The following CEP126 variants were observed in gnomAD, a reference collection of about 807,000 sequenced individuals.
CEP126 encodes the protein centrosomal protein 126.
CEP126 carries 74 observed loss-of-function variants against 107.8 expected under a neutral mutation model. The ratio of observed to expected loss-of-function variants is 0.69; its 90% CI spans 0.57 to 0.83. The LOEUF is 0.83. CEP126 is among the 40% of genes least tolerant of loss of function. The pLI is 0.00. For synonymous variants in CEP126, 449 were observed against 446.0 expected (o/e 1.01, Z -0.08); for missense variants, 1,237 against 1,281.9 (o/e 0.96, Z 0.53).
At chr11:101,986,749 T>TATATAC in intron 8 of CEP126, 83 bp from the exon 9 acceptor site, 1 of 918,498 alleles carries the variant, frequency 1.1e-6, no homozygotes, top group South Asian at 1.5e-5. Context: ...CAGTTAAGCA[T>TATATAC]GTATAAGTAT....
chr11:101,984,561 T>C (rs1405143364), intron 8 of CEP126, among the ~76,000 whole-genome samples: 2 of 152,174 alleles, frequency 1.3e-5, no homozygotes, highest in African/African-American at 2.4e-5. Flanking sequence ...GTGATGATAA[T>C]GGCATTGTTA....
chr11:101,915,645 C>G (rs867537507), intron 1 of CEP126, among the ~76,000 whole-genome samples: 1 of 152,186 alleles, frequency 6.6e-6, no homozygotes, highest in African/African-American at 2.4e-5. Context: ...TCCCATTCTT[C>G]AACTTTGTAA....
intron 1 of CEP126, among the ~76,000 whole-genome samples, chr11:101,917,137 A>G (rs1400753121): frequency 1.3e-5 from 2 of 151,976 alleles, no homozygotes; most frequent in Non-Finnish European, 2.9e-5. Flanking sequence ...TAGATAATAT[A>G]TATTTAAATT....
chr11:101,948,120 C>A lies in CEP126; in HGVS notation c.484C>A (p.Arg162Ser), dbSNP rs372773838. The A allele has an allele frequency of 6.2e-7, 1 of 1,603,334 alleles. No individual in the cohort carries two copies. The highest frequency in any genetic ancestry group is 1.1e-5 in the South Asian group (1 of 90,490). Residue 162 changes from arginine (R) to serine (S), a missense_variant, in exon 4 of 11, where the codon CGT becomes AGT. Transcript: ENST00000263468. ...ATCAGAAGTAAACCTTCCCTTTTCC[C>A]GTAGACCAACAATAAACTGGAGGTA... ...LKSEVNLPFS[R>S]RPTINWRAID... is the part of the protein sequence containing the mutation.
At chr11:101,972,099 C>A (rs1043761556) in intron 6 of CEP126, among the ~76,000 whole-genome samples, 2 of 151,446 alleles carry the variant, frequency 1.3e-5, no homozygotes, top group Non-Finnish European at 2.9e-5. Context: ...TAGAGCAAGA[C>A]CCAGTCTCCA....
rs1433449526 is a variant in CEP126, at chr11:101,962,510, A to G, written c.1475A>G (p.Asp492Gly). The G allele has an allele frequency of 4.3e-6, 7 of 1,613,346 alleles. 1 individual carries two copies. Among genetic ancestry groups the G allele is most frequent in the East Asian group, 2.2e-5 (1 of 44,852 alleles). ...IKEIDAVQCS[D>G]KLDELKDGKE... is the part of the protein sequence containing the mutation. ...GAAATTGATGCAGTGCAGTGTTCTG[A>G]TAAGTTAGATGAATTGAAAGATGGT... Residue 492 changes from aspartate to glycine, a missense_variant, in exon 6 of 11, where the codon GAT becomes GGT. Transcript: ENST00000263468.
chr11:101,996,240 A>G, intron 10 of CEP126, among the ~76,000 whole-genome samples: 1 of 152,178 alleles, frequency 6.6e-6, no homozygotes, highest in East Asian at 1.9e-4. Flanking sequence ...AGATTTCCCC[A>G]GCAAGCTCCC....
chr11:101,922,493 T>C (rs1414126599), intron 1 of CEP126, 148 bp from the exon 2 acceptor site: 2 of 608,866 alleles, frequency 3.3e-6, no homozygotes, highest in Non-Finnish European at 5.6e-6. Context: ...TGTTTGCCAG[T>C]CATATACTAA....
At chr11:101,985,296 T>G (rs1442615664) in intron 8 of CEP126, among the ~76,000 whole-genome samples, 1 of 152,058 alleles carries the variant, frequency 6.6e-6, no homozygotes, top group Non-Finnish European at 1.5e-5. Flanking sequence ...CTTTTTTTTT[T>G]TTTTTAAGCA....
At position 101,958,285 on chromosome 11, in the gene CEP126, G is replaced by T; in HGVS notation, c.624G>T (p.Leu208Phe). 1 of 1,613,932 alleles carries T rather than the reference G, an allele frequency of 6.2e-7. No individual in the cohort carries two copies. Among genetic ancestry groups the T allele is most frequent in the Non-Finnish European group, 8.5e-7 (1 of 1,179,924 alleles). Residue 208 changes from leucine (L) to phenylalanine (F), a missense_variant, in exon 5 of 11, where the codon TTG becomes TTT. Physicochemically the swap from Leu to Phe is conservative, Grantham distance 22. Around this residue, in one of 3 missense-constraint regions of CEP126, gnomAD observed 1,134 missense variants for 1,150.5 expected, o/e 0.99. Coordinates refer to ENST00000263468, the MANE Select transcript of CEP126 (RefSeq NM_020802.4). The part of the protein sequence containing the change: ...KEMNENMRAT[L>F]ATSKNVFQLK... ...TGAATGAAAACATGAGGGCAACCTTGGCTACTAGCAAAAATGTGTTCCAGC... is the reference window on the plus strand; with the variant it reads ...TGAATGAAAACATGAGGGCAACCTTTGCTACTAGCAAAAATGTGTTCCAGC...
chr11:101,989,489 A>G (rs750476620), intron 9 of CEP126, among the ~76,000 whole-genome samples: 2 of 152,208 alleles, frequency 1.3e-5, no homozygotes, highest in Non-Finnish European at 2.9e-5. Context: ...AACCACACAC[A>G]TATTATACGT....
At chr11:101,921,525 G>A (rs1051436227) in intron 1 of CEP126, among the ~76,000 whole-genome samples, 7 of 151,770 alleles carry the variant, frequency 4.6e-5, no homozygotes, top group Non-Finnish European at 1.0e-4. Flanking sequence ...TGACCAACAT[G>A]GTGAAACCCC....
chr11:101,922,725 A>T lies in CEP126; in HGVS notation c.213A>T (p.Ala71=). The T allele has an allele frequency of 2.5e-6, 4 of 1,612,888 alleles. No homozygotes were observed. The highest frequency in any genetic ancestry group is 3.4e-6 in the Non-Finnish European group (4 of 1,179,096). ...LQQQKICRNR[A]RKYFVESNRR... is the part of the protein sequence containing the mutation. The stretch of plus-strand genomic sequence containing the variant: ...AACAAAAAATATGTCGAAATCGAGC[A>T]CGTAAATATTTTGTGGAGTCAAATC... Residue 71 remains alanine, a synonymous_variant, in exon 2 of 11, where the codon GCA becomes GCT. Transcript: ENST00000263468.
intron 7 of CEP126, 133 bp downstream of exon 7, chr11:101,978,592 G>T (rs1246439709): frequency 5.1e-6 from 3 of 589,906 alleles, no homozygotes; most frequent in Non-Finnish European, 6.0e-6. Flanking sequence ...AAAGCCATTT[G>T]TGAAGCAGTC....
At chr11:101,956,011 T>C (rs1565358740) in intron 4 of CEP126, 1 of 456,490 alleles carries the variant, frequency 2.2e-6, no homozygotes, top group South Asian at 1.5e-5. Context: ...CTTACCCAAT[T>C]AAATATCATC....
At chr11:101,936,219 T>G (rs1010762404) in intron 2 of CEP126, among the ~76,000 whole-genome samples, 1 of 152,056 alleles carries the variant, frequency 6.6e-6, no homozygotes, top group African/African-American at 2.4e-5. Flanking sequence ...TGGTTTGGGT[T>G]TTTTTGGTTT....
rs967401920 is a variant in CEP126, at chr11:101,986,890, G to A, written c.3093G>A (p.Pro1031=). Residue 1031 remains proline, a synonymous_variant, in exon 9 of 11, where the codon CCG becomes CCA. Coordinates refer to ENST00000263468, the MANE Select transcript of CEP126 (RefSeq NM_020802.4). ...AAAACTTAGTGAAAGCATCAGTGCC[G>A]GAGGATGAGATTCTGACTGTCTTGA... ...MAENLVKASV[P]EDEILTVLNS... The A allele has an allele frequency of 3.3e-5, 54 of 1,613,674 alleles. No homozygotes were observed. Among genetic ancestry groups the A allele is most frequent in the South Asian group, 8.8e-5 (8 of 91,084 alleles).
chr11:101,993,585 G>T (rs1201788362), intron 10 of CEP126, among the ~76,000 whole-genome samples: 2 of 152,144 alleles, frequency 1.3e-5, no homozygotes, highest in South Asian at 4.1e-4. Context: ...TGGGATTGCT[G>T]GGTTGAATGG....
At chr11:101,921,995 G>C (rs533438816) in intron 1 of CEP126, among the ~76,000 whole-genome samples, 89 of 151,444 alleles carry the variant, frequency 5.9e-4, no homozygotes, top group African/African-American at 1.9e-3. Context: ...GTGTTGGCCA[G>C]GCTGGTCTCA....
Sources: gnomAD v4.1 joint callset for allele counts (sites outside exome capture counted in the v4.1 genomes callset) on GRCh38, gnomAD v4.1.1 for gene constraint, gnomAD v4.1.1 regional missense constraint, MANE v1.5 for transcripts, NCBI Gene and HGNC (gene_info 2026-07-23, HGNC 2026-07-21) for gene names.